TRERF1: variants seen among roughly 807,000 people sequenced by gnomAD.
TRERF1 encodes transcriptional-regulating factor 1.
TRERF1 carries 27 observed loss-of-function variants against 122.9 expected under a neutral mutation model. That is an observed-to-expected ratio of 0.22 (90% confidence interval 0.16 to 0.30). The LOEUF is 0.30. TRERF1 is among the 10% of genes least tolerant of loss of function. The pLI, the probability that TRERF1 is intolerant of heterozygous loss-of-function variation, is 1.00. For synonymous variants in TRERF1, 636 were observed against 641.7 expected, an observed-to-expected ratio of 0.99 and a Z score of 0.13; for missense variants, 1,248 against 1,560.3, an observed-to-expected ratio of 0.80 and a Z score of 3.37.
chr6:42,329,103 T>TA (rs986977143), intron 3 of TRERF1, among the ~76,000 whole-genome samples: 71 of 152,148 alleles, frequency 4.7e-4, no homozygotes, highest in African/African-American at 1.5e-3. Context: ...CTACCTGACT[T>TA]GACTCAGTGC....
intron 3 of TRERF1, among the ~76,000 whole-genome samples, chr6:42,328,156 C>T (rs527952470): frequency 3.3e-4 from 50 of 151,708 alleles, no homozygotes; most frequent in Non-Finnish European, 6.2e-4. Flanking sequence ...TACAGGTGCA[C>T]GCTACCATGC....
At chr6:42,278,478 A>C (rs183758519) in intron 4 of TRERF1, among the ~76,000 whole-genome samples, 1 of 152,336 alleles carries the variant, frequency 6.6e-6, no homozygotes, top group East Asian at 1.9e-4. Context: ...TAGCAGATGC[A>C]AATACAGAGA....
chr6:42,270,601 T>A (rs183645854), intron 4 of TRERF1, among the ~76,000 whole-genome samples: 2 of 152,142 alleles, frequency 1.3e-5, no homozygotes, highest in East Asian at 1.9e-4. Context: ...ATGAGTCGCA[T>A]AAATAATTAC....
intron 3 of TRERF1, among the ~76,000 whole-genome samples, chr6:42,344,395 TA>T (rs1192720930): frequency 1.3e-4 from 20 of 152,250 alleles, no homozygotes; most frequent in Admixed American, 2.6e-4. Context: ...AAAATCCTAT[TA>T]TTTTGTAAAT....
chr6:42,226,856 C>G (rs1045844742), exon 18 of TRERF1: 1 of 152,382 alleles, frequency 6.6e-6, no homozygotes, highest in Admixed American at 6.5e-5. Context: ...AACCAGCATA[C>G]CTGGGGTGGG....
chr6:42,297,779 C>T (rs1785357584), intron 4 of TRERF1, among the ~76,000 whole-genome samples: 1 of 152,102 alleles, frequency 6.6e-6, no homozygotes, highest in African/African-American at 2.4e-5. Context: ...GAAAAGACAA[C>T]TCAACCCACA....
At position 42,232,725 on chromosome 6, in the gene TRERF1, G is replaced by A. The variant is rs201886129; in HGVS notation, c.3234C>T (p.Gly1078=). 41 of 1,608,542 alleles carry A rather than the reference G, an allele frequency of 2.5e-5. No individual in the cohort carries two copies. The highest frequency in any genetic ancestry group is 2.8e-5 in the Non-Finnish European group (33 of 1,175,470). ...GGAAGATGGTGGTGGGGTCTGTCTCGCCGCTGGTGGTGCTGTGAGAGGGTG... is the reference window on the plus strand; with the variant it reads ...GGAAGATGGTGGTGGGGTCTGTCTCACCGCTGGTGGTGCTGTGAGAGGGTG... The change falls in exon 17 of 18, where the codon GGC becomes GGT. Residue 1078 remains glycine (G), a synonymous_variant. Transcript: ENST00000372922. The surrounding 1 kb of genome is among the most constrained non-coding windows in gnomAD (Gnocchi z 4.5).
intron 4 of TRERF1, among the ~76,000 whole-genome samples, chr6:42,274,355 G>A (rs945539478): frequency 3.9e-5 from 6 of 152,088 alleles, no homozygotes; most frequent in East Asian, 1.9e-4. Context: ...ACAGTGCCTC[G>A]CTAATGGTAG....
At chr6:42,225,940 A>G (rs1231891671) in exon 18 of TRERF1, 1 of 152,234 alleles carries the variant, frequency 6.6e-6, no homozygotes, top group East Asian at 1.9e-4. Flanking sequence ...CCGAGTTGAG[A>G]CATTAACCAT....
intron 3 of TRERF1, among the ~76,000 whole-genome samples, chr6:42,345,197 C>T (rs867885167): frequency 4.6e-5 from 7 of 152,212 alleles, no homozygotes; most frequent in Non-Finnish European, 7.4e-5. Context: ...CATTGTGGTT[C>T]TTTCCAAAAG....
intron 13 of TRERF1, among the ~76,000 whole-genome samples, chr6:42,251,285 C>T (rs1344303087): frequency 1.3e-5 from 2 of 152,130 alleles, no homozygotes; most frequent in African/African-American, 4.8e-5. Flanking sequence ...CATGAGCCAC[C>T]GTTCCTGGAC....
chr6:42,373,027 G>GTACCC (rs1188225956), intron 2 of TRERF1, among the ~76,000 whole-genome samples: 3 of 152,228 alleles, frequency 2.0e-5, no homozygotes, highest in Non-Finnish European at 4.4e-5. Context: ...TGAAGACAAG[G>GTACCC]ATAATCAGGG....
intron 15 of TRERF1, 37 bp downstream of exon 15, chr6:42,243,211 G>T: frequency 6.4e-7 from 1 of 1,573,740 alleles, no homozygotes; most frequent in Non-Finnish European, 8.7e-7. Flanking sequence ...GGTGGGAGCT[G>T]TCCCAGCACA....
intron 4 of TRERF1, among the ~76,000 whole-genome samples, chr6:42,290,748 T>TA (rs1784177424): frequency 1.4e-5 from 2 of 144,062 alleles, no homozygotes; most frequent in East Asian, 3.9e-4. Context: ...TTCCTTTTTT[T>TA]TTTTTTTTTT....
chr6:42,383,032 T>C (rs1776218500), intron 2 of TRERF1, among the ~76,000 whole-genome samples: 1 of 152,024 alleles, frequency 6.6e-6, no homozygotes, highest in Non-Finnish European at 1.5e-5. Flanking sequence ...GCAAAAAACA[T>C]ATTGATAGCA....
chr6:42,291,118 C>G (rs998313660), intron 4 of TRERF1, among the ~76,000 whole-genome samples: 10 of 152,178 alleles, frequency 6.6e-5, no homozygotes, highest in African/African-American at 2.4e-4. Flanking sequence ...GAGGTCAGAA[C>G]TGTCTTCTCT....
At chr6:42,315,772 G>A (rs2150391562) in intron 3 of TRERF1, among the ~76,000 whole-genome samples, 2 of 146,634 alleles carry the variant, frequency 1.4e-5, no homozygotes, top group South Asian at 4.3e-4. Flanking sequence ...GGAGAACGCT[G>A]CAAGTCTGAG....
chr6:42,285,483 C>T (rs1783039958), intron 4 of TRERF1, among the ~76,000 whole-genome samples: 1 of 152,044 alleles, frequency 6.6e-6, no homozygotes, highest in African/African-American at 2.4e-5. Context: ...TTTCCTTCTC[C>T]TGCCTAATTG....
rs373594743 is a variant in TRERF1 at position 42,268,825 on chromosome 6, T to C, written c.766A>G (p.Met256Val). 16 of 1,614,040 alleles carry C rather than the reference T, an allele frequency of 9.9e-6. No individual in the cohort carries two copies. The highest frequency in any genetic ancestry group is 1.4e-5 in the Non-Finnish European group (16 of 1,180,026). ...ATCTGTTGCATGTGCTGTGACAGCA[T>C]CTGTGGGGCCTGCAGTGGCTGTCCT... The change falls in exon 5 of 18, where the codon ATG becomes GTG. Residue 256 changes from methionine to valine, a missense_variant. Physicochemically the swap from Met to Val is conservative, Grantham distance 21 (BLOSUM62 1). This residue lies in a region of TRERF1 where 946 missense variants were observed against 1,073.0 expected (regional missense o/e 0.88). Transcript: ENST00000372922. This position sits in a 1 kb window ranked among gnomAD's most constrained non-coding sequence, Gnocchi z 4.4.
Sources: gnomAD v4.1 joint callset for allele counts (sites outside exome capture counted in the v4.1 genomes callset) on GRCh38, gnomAD v4.1.1 for gene constraint, gnomAD v4.1.1 regional missense constraint, Gnocchi (gnomAD v3.1) non-coding constraint, MANE v1.5 for transcripts, NCBI Gene and HGNC (gene_info 2026-07-23, HGNC 2026-07-21) for gene names.